Variants in CSMD1 observed in about 807,000 individuals in gnomAD.
CSMD1 encodes CUB and Sushi multiple domains 1, also known as CUB and sushi domain-containing protein 1.
In CSMD1, 213 loss-of-function variants were observed where a neutral mutation model predicts 417.5. That is an observed-to-expected ratio of 0.51 (90% CI 0.46 to 0.57). The LOEUF is 0.57. CSMD1 is among the 20% of genes least tolerant of loss of function. CSMD1 has a pLI of 0.00. For synonymous variants in CSMD1, 2,862 were observed against 1,736.8 expected (o/e 1.65, Z -16.11); for missense variants, 6,923 against 4,529.7 (o/e 1.53, Z -15.17).
intron 5 of CSMD1, among the ~76,000 whole-genome samples, chr8:3,874,777 G>A (rs778501249): frequency 4.6e-5 from 7 of 152,118 alleles, no homozygotes; most frequent in East Asian, 3.8e-4. Flanking sequence ...GAAGGACAGG[G>A]TTTGGAAGGA....
chr8:4,213,299 C>T (rs994900180), intron 3 of CSMD1, among the ~76,000 whole-genome samples: 2 of 152,100 alleles, frequency 1.3e-5, no homozygotes, highest in African/African-American at 4.8e-5. Flanking sequence ...CAGCTCTGCT[C>T]ACACCACACC....
chr8:4,645,661 G>C (rs781628743), intron 1 of CSMD1, among the ~76,000 whole-genome samples: 1 of 152,038 alleles, frequency 6.6e-6, no homozygotes, highest in African/African-American at 2.4e-5. Flanking sequence ...GGAAGCAGGG[G>C]TAGACACAGA....
intron 6 of CSMD1, among the ~76,000 whole-genome samples, chr8:3,753,010 G>A (rs981252313): frequency 6.6e-6 from 1 of 152,162 alleles, no homozygotes; most frequent in Non-Finnish European, 1.5e-5. Flanking sequence ...ACTTTCATGG[G>A]AGGTATTTAC....
At chr8:4,524,440 G>A (rs1444206292) in intron 2 of CSMD1, among the ~76,000 whole-genome samples, 1 of 152,270 alleles carries the variant, frequency 6.6e-6, no homozygotes, top group Middle Eastern at 3.4e-3. Context: ...GATAGTAGGT[G>A]ATGCTTGTGG....
chr8:3,242,299 G>T (rs1187778599), intron 26 of CSMD1, among the ~76,000 whole-genome samples: 1 of 150,452 alleles, frequency 6.6e-6, no homozygotes, highest in Non-Finnish European at 1.5e-5. Context: ...GGGAGGAAGG[G>T]AGAGGTCAGA....
At chr8:4,005,149 G>A (rs1331315824) in intron 4 of CSMD1, among the ~76,000 whole-genome samples, 1 of 152,128 alleles carries the variant, frequency 6.6e-6, no homozygotes, top group African/African-American at 2.4e-5. Flanking sequence ...AAGAGTGGGA[G>A]TGGGGAAAGG....
chr8:3,093,533 C>T (rs7819952), intron 47 of CSMD1, among the ~76,000 whole-genome samples: 49,884 of 151,762 alleles, frequency 0.33, 8,207 homozygotes, highest in South Asian at 0.43. Context: ...CTGGGCGTGG[C>T]GGCAGGCACC....
At position 2,943,991 on chromosome 8, in the gene CSMD1, T is replaced by C. The variant is rs537973290; in HGVS notation, c.10403-1387A>G. Reference sequence around the variant, plus strand: ...GTATCAACACCCTTTAATTTTCATATAAAAACTTTCAAATGACATTATTTG... The same window carrying C: ...GTATCAACACCCTTTAATTTTCATACAAAAACTTTCAAATGACATTATTTG... On this transcript the variant is annotated intron_variant, in intron 68 of 69. Transcript: ENST00000635120. Among the ~76,000 whole-genome samples, 46 of 152,364 alleles carry C rather than the reference T, an allele frequency of 3.0e-4. 1 individual carries two copies. The highest frequency in any genetic ancestry group is 5.9e-5 in the Non-Finnish European group (4 of 68,028).
At chr8:4,374,418 A>G (rs937345277) in intron 3 of CSMD1, among the ~76,000 whole-genome samples, 2 of 152,194 alleles carry the variant, frequency 1.3e-5, no homozygotes, top group Non-Finnish European at 1.5e-5. Context: ...AGGCACCTGA[A>G]AAAACTTTTT....
intron 1 of CSMD1, among the ~76,000 whole-genome samples, chr8:4,919,280 CAATT>C (rs1806276995): frequency 6.6e-6 from 1 of 152,134 alleles, no homozygotes; most frequent in African/African-American, 2.4e-5. Context: ...AGAGTTCTGT[CAATT>C]AGAGTATATT....
chr8:4,008,023 G>T (rs1161276394), intron 4 of CSMD1, among the ~76,000 whole-genome samples: 1 of 152,158 alleles, frequency 6.6e-6, no homozygotes, highest in African/African-American at 2.4e-5. Context: ...GTTTATTTGT[G>T]TGTTTTTGCT....
chr8:3,611,080 T>C (rs1344169334), intron 8 of CSMD1, among the ~76,000 whole-genome samples: 1 of 87,504 alleles, frequency 1.1e-5, no homozygotes, highest in Non-Finnish European at 2.1e-5. Flanking sequence ...TGCGAACTGT[T>C]GTGGGGTGGG....
At chr8:3,587,402 G>A (rs141146632) in intron 8 of CSMD1, among the ~76,000 whole-genome samples, 4 of 152,128 alleles carry the variant, frequency 2.6e-5, no homozygotes, top group African/African-American at 4.8e-5. Flanking sequence ...GAGAAACCAC[G>A]GGTTGATGTT....
intron 1 of CSMD1, among the ~76,000 whole-genome samples, chr8:4,835,987 A>G (rs1176385856): frequency 6.6e-6 from 1 of 152,148 alleles, no homozygotes; most frequent in African/African-American, 2.4e-5. Context: ...TAAATGTAAA[A>G]TATCCTACCA....
chr8:4,463,495 A>T (rs1280882016), intron 2 of CSMD1, among the ~76,000 whole-genome samples: 3 of 152,248 alleles, frequency 2.0e-5, no homozygotes. Flanking sequence ...AATTGCAAAA[A>T]GTGGAAACAA....
chr8:4,480,137 A>T (rs1383948591), intron 2 of CSMD1, among the ~76,000 whole-genome samples: 2 of 150,502 alleles, frequency 1.3e-5, no homozygotes, highest in Non-Finnish European at 2.9e-5. Context: ...TTCATTGAGA[A>T]TCTGTTTTCT....
At chr8:4,172,356 T>C (rs771839682) in intron 3 of CSMD1, among the ~76,000 whole-genome samples, 27 of 152,250 alleles carry the variant, frequency 1.8e-4, no homozygotes, top group Non-Finnish European at 2.5e-4. Context: ...AAAGTTTAAA[T>C]TGGATTACCT....
At chr8:4,821,285 G>A (rs1288848929) in intron 1 of CSMD1, among the ~76,000 whole-genome samples, 1 of 152,074 alleles carries the variant, frequency 6.6e-6, no homozygotes, top group Admixed American at 6.6e-5. Context: ...TGAATAGGCT[G>A]GGAACATGTG....
chr8:4,277,262 A>T (rs1421480666), intron 3 of CSMD1, among the ~76,000 whole-genome samples: 1 of 152,026 alleles, frequency 6.6e-6, no homozygotes, highest in Non-Finnish European at 1.5e-5. Context: ...AGAATTTCTT[A>T]TGAAGTTGGG....
Sources: gnomAD v4.1 joint callset for allele counts (sites outside exome capture counted in the v4.1 genomes callset) on GRCh38, gnomAD v4.1.1 for gene constraint, MANE v1.5 for transcripts, NCBI Gene and HGNC (gene_info 2026-07-23, HGNC 2026-07-21) for gene names.